The following KIAA1217 variants were observed in gnomAD, a reference collection of about 807,000 sequenced individuals.
KIAA1217 encodes KIAA1217, also known as sickle tail protein homolog.
Under a neutral mutation model 163.9 loss-of-function variants are expected in KIAA1217, and 88 were observed. That is an observed-to-expected ratio of 0.54 (90% CI 0.45 to 0.64). The LOEUF is 0.64. KIAA1217 is among the 30% of genes least tolerant of loss of function. The pLI, the probability that KIAA1217 is intolerant of heterozygous loss-of-function variation, is 0.00. For missense variants in KIAA1217, 2,372 were observed against 2,475.0 expected, an observed-to-expected ratio of 0.96 and a Z score of 0.88; for synonymous variants, 903 against 923.1, an observed-to-expected ratio of 0.98 and a Z score of 0.39.
intron 1 of KIAA1217, among the ~76,000 whole-genome samples, chr10:23,789,359 T>C (rs942862966): frequency 1.3e-5 from 2 of 152,218 alleles, no homozygotes; most frequent in South Asian, 4.1e-4. Context: ...TGTAAGCATT[T>C]CCTTTTTCTC....
chr10:24,245,816 T>G (rs1485174486), intron 2 of KIAA1217, among the ~76,000 whole-genome samples: 1 of 151,544 alleles, frequency 6.6e-6, no homozygotes, highest in Admixed American at 6.6e-5. Flanking sequence ...TTTTTTCTTT[T>G]AGGTAGAGCC....
intron 2 of KIAA1217, among the ~76,000 whole-genome samples, chr10:24,291,970 C>T (rs1395373708): frequency 6.6e-6 from 1 of 152,072 alleles, no homozygotes; most frequent in African/African-American, 2.4e-5. Flanking sequence ...AAACTAGACC[C>T]TGAAATAAAA....
chr10:24,227,650 A>G (rs927041933), intron 2 of KIAA1217, among the ~76,000 whole-genome samples: 2 of 151,768 alleles, frequency 1.3e-5, no homozygotes, highest in African/African-American at 4.8e-5. Context: ...CTCCTGCCTC[A>G]GCCTCCCAAG....
At chr10:23,915,389 C>T (rs1442999359) in intron 1 of KIAA1217, among the ~76,000 whole-genome samples, 1 of 151,860 alleles carries the variant, frequency 6.6e-6, no homozygotes, top group Non-Finnish European at 1.5e-5. Context: ...TTCATACAGG[C>T]TTTTTGTTAT....
At chr10:23,936,651 C>A (rs1249939886) in intron 1 of KIAA1217, among the ~76,000 whole-genome samples, 2 of 152,116 alleles carry the variant, frequency 1.3e-5, no homozygotes, top group Non-Finnish European at 2.9e-5. Flanking sequence ...ACCACCAGCT[C>A]CTGGGAAGAA....
Position 23,934,582 on chromosome 10 carries a change from T to C in KIAA1217, c.-320-72643T>C, listed in dbSNP as rs1179347499. Among the ~76,000 whole-genome samples the C allele has an allele frequency of 8.8e-5, 7 of 79,230 alleles. 1 individual carries two copies. Among genetic ancestry groups the C allele is most frequent in the African/African-American group, 4.2e-4 (3 of 7,174 alleles). The allele number at this position is 79,230 out of a possible 152,430, so 52.0% of individuals were successfully genotyped here. A position where few individuals can be genotyped will look rare whatever the true frequency, so the allele number is the denominator to read the frequency against. ...GTATATATATATATATATATATATA[T>C]ATATATATGTATATATATATATATG... On this transcript the variant is annotated intron_variant, in intron 1 of 18. Coordinates refer to the KIAA1217 transcript ENST00000376462.
At chr10:24,284,915 T>A (rs866240770) in intron 2 of KIAA1217, among the ~76,000 whole-genome samples, 1 of 152,206 alleles carries the variant, frequency 6.6e-6, no homozygotes, top group Non-Finnish European at 1.5e-5. Context: ...TTTTTGGCTT[T>A]TTAGTAATAA....
At chr10:23,900,331 A>G (rs1841904110) in intron 1 of KIAA1217, among the ~76,000 whole-genome samples, 1 of 151,904 alleles carries the variant, frequency 6.6e-6, no homozygotes, top group Admixed American at 6.6e-5. Flanking sequence ...GATTACTACC[A>G]ACTAAGTTGA....
At chr10:24,240,135 T>C (rs545289398) in intron 2 of KIAA1217, among the ~76,000 whole-genome samples, 3 of 152,214 alleles carry the variant, frequency 2.0e-5, no homozygotes, top group Admixed American at 1.3e-4. Flanking sequence ...TTGCCAGCCA[T>C]TTGGATGTGA....
intron 6 of KIAA1217, among the ~76,000 whole-genome samples, chr10:24,489,039 G>GA (rs1362623782): frequency 1.3e-5 from 2 of 152,156 alleles, no homozygotes; most frequent in African/African-American, 4.8e-5. Flanking sequence ...GGGGTGGGGA[G>GA]AGAGATGACA....
At chr10:24,265,079 G>A (rs567873189) in intron 2 of KIAA1217, among the ~76,000 whole-genome samples, 3 of 152,182 alleles carry the variant, frequency 2.0e-5, no homozygotes, top group African/African-American at 7.2e-5. Flanking sequence ...ACCCAGGCTG[G>A]TCTCGAACTC....
chr10:24,498,799 C>T (rs1042430844), intron 8 of KIAA1217, among the ~76,000 whole-genome samples: 4 of 152,108 alleles, frequency 2.6e-5, no homozygotes, highest in African/African-American at 4.8e-5. Flanking sequence ...AGTGACAGAG[C>T]GAAACCATGT....
intron 13 of KIAA1217, among the ~76,000 whole-genome samples, chr10:24,526,171 T>A (rs2134785929): frequency 6.6e-6 from 1 of 152,282 alleles, no homozygotes; most frequent in Non-Finnish European, 1.5e-5. Flanking sequence ...CTGCCTCTAC[T>A]GAAAGTCACC....
At chr10:24,205,389 T>G (rs1183707753), upstream of KIAA1217, among the ~76,000 whole-genome samples, 1 of 148,108 alleles carries the variant, frequency 6.8e-6, no homozygotes. Flanking sequence ...GCGGGACAAT[T>G]GCTTGAACCC....
In KIAA1217 at chr10:24,257,203, C is replaced by T. The variant is rs374144445; in HGVS notation, c.354+37294C>T. ...TTGAAGAATATTCTGTCCAGAGAGGCTCTTCAGTTTCTACCTGGTTTTCTA... is the reference window on the plus strand; with the variant it reads ...TTGAAGAATATTCTGTCCAGAGAGGTTCTTCAGTTTCTACCTGGTTTTCTA... On this transcript the variant is annotated intron_variant, in intron 2 of 20. Coordinates refer to ENST00000376454, the MANE Select transcript of KIAA1217 (RefSeq NM_019590.5). Among the ~76,000 whole-genome samples the T allele has an allele frequency of 4.2e-4, 64 of 152,276 alleles. No homozygotes were observed. In the South Asian group the frequency reaches 0.013, roughly 31 times the overall value.
At chr10:23,742,141 G>C (rs1420131131) in intron 1 of KIAA1217, among the ~76,000 whole-genome samples, 1 of 152,178 alleles carries the variant, frequency 6.6e-6, no homozygotes, top group Non-Finnish European at 1.5e-5. Context: ...AAGCTGATGG[G>C]AGTTGTTGGT....
intron 1 of KIAA1217, among the ~76,000 whole-genome samples, chr10:23,982,529 TTCTCTCTCTC>T (rs59075123): frequency 0.041 from 3,031 of 73,590 alleles, 80 homozygotes; most frequent in Middle Eastern, 0.082. Context: ...TGTTTTTTGT[TTCTCTCTCTC>T]TCTCTCTCTC....
chr10:23,765,364 G>C (rs929882533), intron 1 of KIAA1217, among the ~76,000 whole-genome samples: 1 of 151,524 alleles, frequency 6.6e-6, no homozygotes, highest in Non-Finnish European at 1.5e-5. Context: ...TAGTAGAGAC[G>C]GGGTTTCACC....
At chr10:24,221,603 C>T (rs1195051916) in intron 2 of KIAA1217, among the ~76,000 whole-genome samples, 1 of 152,150 alleles carries the variant, frequency 6.6e-6, no homozygotes, top group Non-Finnish European at 1.5e-5. Flanking sequence ...ATCTGAGTGG[C>T]TAAAAATGTG....
Sources: allele counts gnomAD v4.1 joint callset (sites outside exome capture counted in the v4.1 genomes callset), GRCh38; gene constraint gnomAD v4.1.1; transcripts MANE v1.5; gene names NCBI Gene and HGNC (gene_info 2026-07-23, HGNC 2026-07-21).